HERC1: variants seen among roughly 807,000 people sequenced by gnomAD.
HERC1 encodes the protein HECT and RLD domain containing E3 ubiquitin protein ligase family member 1, also known as probable E3 ubiquitin-protein ligase HERC1.
A neutral mutation model predicts 554.3 loss-of-function variants in HERC1; 160 were observed. That is an observed-to-expected ratio of 0.29 (90% CI 0.25 to 0.33). The LOEUF (loss-of-function observed/expected upper bound fraction) is 0.33, where lower values mean the gene tolerates loss of function less well. HERC1 is among the 10% of genes least tolerant of loss of function. HERC1 has a pLI of 1.00. For synonymous variants in HERC1, 2,175 were observed against 2,131.7 expected (o/e 1.02, Z -0.56); for missense variants, 4,919 against 5,918.5 (o/e 0.83, Z 5.54).
chr15:63,714,595 G>A (rs1299869447), intron 22 of HERC1, among the ~76,000 whole-genome samples: 4 of 142,824 alleles, frequency 2.8e-5, no homozygotes, highest in South Asian at 2.2e-4. Context: ...TGTCGCCCGG[G>A]CTGGAGTGCA....
chr15:63,625,564 C>A (rs373424376), intron 71 of HERC1, among the ~76,000 whole-genome samples: 1 of 151,858 alleles, frequency 6.6e-6, no homozygotes, highest in Non-Finnish European at 1.5e-5. Context: ...CATGGTGGCC[C>A]AGGCCTGTAA....
intron 1 of HERC1, among the ~76,000 whole-genome samples, chr15:63,814,832 A>G (rs866279100): frequency 9.8e-5 from 15 of 152,350 alleles, no homozygotes; most frequent in African/African-American, 3.4e-4. Context: ...GGAAAATATG[A>G]AACCTACCTG....
chr15:63,755,143 CT>C (rs970933909), intron 6 of HERC1, 85 bp downstream of exon 6: 16 of 854,208 alleles, frequency 1.9e-5, no homozygotes, highest in Non-Finnish European at 2.7e-5. Context: ...AGTCTTTGGC[CT>C]AGTAAATCTG....
intron 70 of HERC1, among the ~76,000 whole-genome samples, chr15:63,628,339 G>A (rs1456489549): frequency 2.0e-5 from 3 of 152,092 alleles, no homozygotes; most frequent in Non-Finnish European, 4.4e-5. Flanking sequence ...GCAGTGAGCT[G>A]AGATCACACC....
Position 63,669,543 on chromosome 15 carries a change from C to A in HERC1, c.8201G>T (p.Arg2734Leu). The change falls in exon 40 of 78, where the codon CGC (arginine) becomes CTC (leucine). Residue 2734 changes from arginine (R) to leucine (L), a missense_variant. Transcript: ENST00000443617. Reference protein sequence around the residue: ...PDSQSARPANRTALSDPSSRL... With the variant: ...PDSQSARPANLTALSDPSSRL... Reference sequence around the variant, plus strand: ...GTGCATATCAGCACACGCACCTGTGCGGTTAGCTGGCCTTGCTGACTGGGA... The same window carrying A: ...GTGCATATCAGCACACGCACCTGTGAGGTTAGCTGGCCTTGCTGACTGGGA... The A allele has an allele frequency of 6.2e-7, 1 of 1,613,640 alleles. No homozygotes were observed. The highest frequency in any genetic ancestry group is 8.5e-7 in the Non-Finnish European group (1 of 1,179,604).
At chr15:63,745,595 A>G (rs531460050) in intron 12 of HERC1, among the ~76,000 whole-genome samples, 3 of 152,278 alleles carry the variant, frequency 2.0e-5, no homozygotes, top group African/African-American at 7.2e-5. Flanking sequence ...AAGCACCCAG[A>G]GACACTCTCT....
In HERC1 at chr15:63,678,271, G is replaced by A. The variant is rs748741688; in HGVS notation, c.6644C>T (p.Ala2215Val). The stretch of plus-strand genomic sequence containing the variant: ...AAGGATACGGATGAGCTGAATAGTG[G>A]CCTCAGCCAGCACTGCTGCTACTGG... ...CSPVAAVLAE[A>V]TIQLIRILHR... Residue 2215 changes from alanine to valine, a missense_variant, in exon 37 of 78, where the codon GCC becomes GTC. Physicochemically the swap from Ala to Val is moderately conservative, Grantham distance 64. Around this residue, in one of 11 missense-constraint regions of HERC1, gnomAD observed 1,963 missense variants for 2,228.6 expected, o/e 0.88. Coordinates refer to ENST00000443617, the MANE Select transcript of HERC1 (RefSeq NM_003922.4). 1 of 1,613,610 alleles carries A rather than the reference G, an allele frequency of 6.2e-7. No homozygotes were observed. Among genetic ancestry groups the A allele is most frequent in the South Asian group, 1.1e-5 (1 of 91,036 alleles).
At chr15:63,784,064 CA>C (rs35436692) in intron 1 of HERC1, among the ~76,000 whole-genome samples, 320 of 125,986 alleles carry the variant, frequency 2.5e-3, no homozygotes, top group Admixed American at 2.7e-3. Context: ...GACTCTATCT[CA>C]AAAAAAAAAA....
In HERC1 at chr15:63,755,312, A is replaced by C; in HGVS notation, c.1547T>G (p.Val516Gly). 1 of 1,613,282 alleles carries C rather than the reference A, an allele frequency of 6.2e-7. No individual in the cohort carries two copies. The highest frequency in any genetic ancestry group is 8.5e-7 in the Non-Finnish European group (1 of 1,179,224). Residue 516 changes from valine (V) to glycine (G), a missense_variant, in exon 6 of 78, where the codon GTG (valine) becomes GGG (glycine). Physicochemically the swap from Val to Gly is moderately radical, Grantham distance 109. This residue lies in a region of HERC1 where 744 missense variants were observed against 1,090.0 expected (regional missense o/e 0.68). Transcript: ENST00000443617. Reference protein sequence around the residue: ...GPLQGKVVVCVSAGYRHSAAV... With the variant: ...GPLQGKVVVCGSAGYRHSAAV... ...AGCACTATGTCTGTATCCAGCTGAC[A>C]CACAAACAACTACCTGCATTGCACA...
At chr15:63,668,750 C>G (rs769828633) in intron 40 of HERC1, among the ~76,000 whole-genome samples, 2 of 152,004 alleles carry the variant, frequency 1.3e-5, no homozygotes, top group Non-Finnish European at 1.5e-5. Context: ...TGTTTATGAA[C>G]CTAAAGACAG....
At chr15:63,643,300 A>T in intron 58 of HERC1, 104 bp downstream of exon 58, 1 of 1,005,838 alleles carries the variant, frequency 9.9e-7, no homozygotes, top group Non-Finnish European at 1.5e-6. Context: ...AGTATTCAAG[A>T]GATTACTATA....
intron 14 of HERC1, among the ~76,000 whole-genome samples, chr15:63,729,990 C>A (rs2074214550): frequency 7.1e-6 from 1 of 140,140 alleles, no homozygotes; most frequent in African/African-American, 2.7e-5. Context: ...CACGCCATTG[C>A]ACTCCAGCCT....
chr15:63,716,362 C>T lies in HERC1; in HGVS notation c.4090G>A (p.Gly1364Arg), dbSNP rs1813223468. The change falls in exon 22 of 78, where the codon GGG (glycine) becomes AGG (arginine). Residue 1364 changes from glycine to arginine, a missense_variant. Coordinates refer to ENST00000443617, the MANE Select transcript of HERC1 (RefSeq NM_003922.4). ...EEQAERDREE[G>R]HPEPEDEEEE... ...TCTTCATCCTCTGGCTCCGGATGCC[C>T]CTCTTCCCGGTCTCTCTCAGCCTGT... 9 of 1,613,818 alleles carry T rather than the reference C, an allele frequency of 5.6e-6. No individual in the cohort carries two copies. The highest frequency in any genetic ancestry group is 7.6e-6 in the Non-Finnish European group (9 of 1,179,836).
intron 39 of HERC1, among the ~76,000 whole-genome samples, chr15:63,670,805 A>G (rs1019381378): frequency 9.2e-5 from 14 of 152,298 alleles, no homozygotes; most frequent in African/African-American, 2.9e-4. Context: ...CTGTAATACC[A>G]GCATACTTTG....
chr15:63,807,185 C>T (rs1187821495), intron 1 of HERC1, among the ~76,000 whole-genome samples: 1 of 152,160 alleles, frequency 6.6e-6, no homozygotes, highest in African/African-American at 2.4e-5. Context: ...TTGCCCCCAA[C>T]CTCCTCAAAT....
chr15:63,808,983 C>T (rs1482197832), intron 1 of HERC1, among the ~76,000 whole-genome samples: 1 of 152,150 alleles, frequency 6.6e-6, no homozygotes, highest in Non-Finnish European at 1.5e-5. Context: ...AGAACTCATT[C>T]TTATGGCCTC....
intron 1 of HERC1, among the ~76,000 whole-genome samples, chr15:63,802,303 T>C (rs2077019148): frequency 6.6e-6 from 1 of 152,254 alleles, no homozygotes; most frequent in South Asian, 2.1e-4. Flanking sequence ...TTCGTTGTTA[T>C]TATTGCTATT....
intron 25 of HERC1, among the ~76,000 whole-genome samples, chr15:63,700,610 T>C (rs1021391769): frequency 2.0e-5 from 3 of 151,468 alleles, no homozygotes; most frequent in Non-Finnish European, 4.4e-5. Flanking sequence ...ATATATGGTT[T>C]ATCTGCCTTC....
At chr15:63,683,608 C>T (rs1157645278) in intron 34 of HERC1, among the ~76,000 whole-genome samples, 2 of 152,142 alleles carry the variant, frequency 1.3e-5, no homozygotes, top group Non-Finnish European at 1.5e-5. Flanking sequence ...GTTTTCAAGC[C>T]TGGACTTAAA....
Sources: allele counts gnomAD v4.1 joint callset (sites outside exome capture counted in the v4.1 genomes callset), GRCh38; gene constraint gnomAD v4.1.1; regional missense constraint gnomAD v4.1.1; transcripts MANE v1.5; gene names NCBI Gene and HGNC (gene_info 2026-07-23, HGNC 2026-07-21).